The following LRRC4C variants were observed in gnomAD, a reference collection of about 807,000 sequenced individuals.
LRRC4C encodes leucine-rich repeat-containing protein 4C.
LRRC4C carries 5 observed loss-of-function variants against 33.6 expected under a neutral mutation model. The observed-to-expected ratio is 0.15, with a 90% CI of 0.08 to 0.31. The LOEUF (loss-of-function observed/expected upper bound fraction) is 0.31. Ranked by LOEUF, LRRC4C falls within the 10% of genes least tolerant of loss-of-function variation. The pLI, the probability that LRRC4C is intolerant of heterozygous loss-of-function variation, is 1.00. For synonymous variants in LRRC4C, 329 were observed against 302.0 expected, an observed-to-expected ratio of 1.09 and a Z score of -0.93; for missense variants, 560 against 796.7, an observed-to-expected ratio of 0.70 and a Z score of 3.58.
intron 4 of LRRC4C, among the ~76,000 whole-genome samples, chr11:40,273,096 A>G (rs1339305704): frequency 6.6e-6 from 1 of 152,176 alleles, no homozygotes; most frequent in African/African-American, 2.4e-5. Flanking sequence ...TCTTGCTTTA[A>G]ATACACTTTA....
Position 41,002,510 on chromosome 11 carries a change from T to G in LRRC4C, c.-495-68787A>C, listed in dbSNP as rs943236823. Among the ~76,000 whole-genome samples the G allele has an allele frequency of 3.3e-5, 5 of 152,188 alleles. No individual in the cohort carries two copies. The South Asian group carries it at 8.3e-4, about 25-fold the overall frequency. On this transcript the variant is annotated intron_variant, in intron 1 of 6. Coordinates refer to ENST00000528697, the MANE Select transcript of LRRC4C (RefSeq NM_001258419.2). ...TCAGACAGCATCATATGTCCCACAC[T>G]TGTATCTCTGTTTTTGCTACCAACT...
At chr11:41,258,932 C>T (rs1411663854) in intron 1 of LRRC4C, among the ~76,000 whole-genome samples, 2 of 152,118 alleles carry the variant, frequency 1.3e-5, no homozygotes, top group African/African-American at 2.4e-5. Context: ...AATAAACATA[C>T]TTCCCACTTT....
At chr11:41,121,053 C>G (rs1942401841) in intron 1 of LRRC4C, among the ~76,000 whole-genome samples, 1 of 152,120 alleles carries the variant, frequency 6.6e-6, no homozygotes, top group South Asian at 2.1e-4. Context: ...ATAAATTACC[C>G]AGTCTCAGGT....
intron 3 of LRRC4C, among the ~76,000 whole-genome samples, chr11:40,633,385 T>TTCTTTCTTTCTTTCTCTCTCTCTCTC (rs1963673662): frequency 2.1e-5 from 2 of 96,268 alleles, no homozygotes; most frequent in Admixed American, 1.1e-4. Context: ...CTCTCTTTCT[T>TTCTTTCTTTCTTTCTCTCTCTCTCTC]TCTTTCTTTC....
At position 40,315,259 on chromosome 11, in the gene LRRC4C, C is replaced by T. The variant is rs141557670; in HGVS notation, c.-176+4369G>A. On this transcript the variant is annotated intron_variant, in intron 4 of 6. Coordinates refer to ENST00000528697, the MANE Select transcript of LRRC4C (RefSeq NM_001258419.2). ...CCCAATATGGATTATAAAGGGATGGCGTGTGTGTGTGCATGTGTGTGTGTT... is the reference window on the plus strand; with the variant it reads ...CCCAATATGGATTATAAAGGGATGGTGTGTGTGTGTGCATGTGTGTGTGTT... Among the ~76,000 whole-genome samples, 747 of 151,232 alleles carry T rather than the reference C, an allele frequency of 4.9e-3. 7 individuals carry two copies. Among genetic ancestry groups the T allele is most frequent in the African/African-American group, 0.016 (650 of 41,210 alleles).
At chr11:41,184,743 A>G (rs774658647) in intron 1 of LRRC4C, among the ~76,000 whole-genome samples, 9 of 150,528 alleles carry the variant, frequency 6.0e-5, no homozygotes, top group Admixed American at 1.3e-4. Context: ...GTCCCACTTT[A>G]CTGGTACCAA....
chr11:41,322,910 A>C (rs1426591610), intron 1 of LRRC4C, among the ~76,000 whole-genome samples: 1 of 152,204 alleles, frequency 6.6e-6, no homozygotes. Context: ...ATATATACAC[A>C]CATGCACACA....
At chr11:41,431,566 A>G (rs1955234543) in intron 1 of LRRC4C, among the ~76,000 whole-genome samples, 1 of 152,046 alleles carries the variant, frequency 6.6e-6, no homozygotes, top group Non-Finnish European at 1.5e-5. Flanking sequence ...ATATATGACT[A>G]TAGGGCTCTC....
chr11:40,392,305 A>G (rs1373719595), intron 3 of LRRC4C, among the ~76,000 whole-genome samples: 1 of 152,194 alleles, frequency 6.6e-6, no homozygotes, highest in Non-Finnish European at 1.5e-5. Flanking sequence ...AGTGTACATT[A>G]TAAACATTAG....
chr11:40,715,225 G>A (rs1050777227), intron 2 of LRRC4C, among the ~76,000 whole-genome samples: 3 of 152,146 alleles, frequency 2.0e-5, no homozygotes, highest in African/African-American at 7.2e-5. Context: ...AGGAAACTAA[G>A]TAGAAAAGTG....
intron 1 of LRRC4C, among the ~76,000 whole-genome samples, chr11:41,000,500 ATGTTTATTAATTAG>A (rs1854296672): frequency 1.3e-5 from 2 of 152,134 alleles, no homozygotes; most frequent in South Asian, 4.1e-4. Context: ...GTGCTTGTAT[ATGTTTATTAATTAG>A]TTACCTCTAC....
chr11:40,780,407 A>G (rs528931648), intron 2 of LRRC4C, among the ~76,000 whole-genome samples: 1 of 152,266 alleles, frequency 6.6e-6, no homozygotes, highest in African/African-American at 2.4e-5. Flanking sequence ...TCATTTTCTC[A>G]TCTAATTTCT....
intron 2 of LRRC4C, among the ~76,000 whole-genome samples, chr11:40,890,115 G>A (rs889247873): frequency 6.6e-6 from 1 of 152,050 alleles, no homozygotes; most frequent in East Asian, 1.9e-4. Context: ...TATTAAGATG[G>A]AGAATTGACA....
intron 1 of LRRC4C, among the ~76,000 whole-genome samples, chr11:41,424,253 A>G (rs1954964970): frequency 6.6e-6 from 1 of 152,074 alleles, no homozygotes; most frequent in Non-Finnish European, 1.5e-5. Flanking sequence ...AAAGAGAATC[A>G]TGGAAGGGAA....
chr11:40,881,788 T>C (rs1955190460), intron 2 of LRRC4C, among the ~76,000 whole-genome samples: 1 of 152,060 alleles, frequency 6.6e-6, no homozygotes, highest in Admixed American at 6.6e-5. Flanking sequence ...TATCTCAATC[T>C]AATGAAGACT....
chr11:40,454,292 C>T (rs1436411200), intron 3 of LRRC4C, among the ~76,000 whole-genome samples: 2 of 151,814 alleles, frequency 1.3e-5, no homozygotes, highest in African/African-American at 4.8e-5. Context: ...GAATAATATC[C>T]CTATAATCTT....
At chr11:40,744,481 T>G (rs538450064) in intron 2 of LRRC4C, among the ~76,000 whole-genome samples, 28 of 152,152 alleles carry the variant, frequency 1.8e-4, no homozygotes, top group Non-Finnish European at 4.1e-4. Context: ...TTCATTGTAA[T>G]TGTAGTGGTC....
chr11:40,612,817 G>A (rs192796238), intron 3 of LRRC4C, among the ~76,000 whole-genome samples: 1 of 151,806 alleles, frequency 6.6e-6, no homozygotes, highest in African/African-American at 2.4e-5. Flanking sequence ...GATATTACAA[G>A]TTTGGTACCA....
At chr11:40,692,291 G>A (rs1297109930) in intron 2 of LRRC4C, among the ~76,000 whole-genome samples, 1 of 151,916 alleles carries the variant, frequency 6.6e-6, no homozygotes, top group South Asian at 2.1e-4. Flanking sequence ...CCAAGCAGGG[G>A]TGAGGTGGGG....
Sources: gnomAD v4.1 joint callset for allele counts (sites outside exome capture counted in the v4.1 genomes callset) on GRCh38, gnomAD v4.1.1 for gene constraint, MANE v1.5 for transcripts, NCBI Gene and HGNC (gene_info 2026-07-23, HGNC 2026-07-21) for gene names.